Variants in PSMA1 observed in about 807,000 individuals in gnomAD.
PSMA1 encodes the protein proteasome subunit alpha type-1.
Under a neutral mutation model 38.4 loss-of-function variants are expected in PSMA1, and 3 were observed. The observed-to-expected ratio is 0.08, with a 90% CI of 0.04 to 0.20. The LOEUF (loss-of-function observed/expected upper bound fraction) is 0.20. Ranked by LOEUF, PSMA1 falls within the 10% of genes least tolerant of loss-of-function variation. The pLI is 1.00. For synonymous variants in PSMA1, 101 were observed against 107.1 expected (o/e 0.94, Z 0.35); for missense variants, 227 against 325.3 (o/e 0.70, Z 2.32).
chr11:14,627,925 C>A (rs1484903353), intron 1 of PSMA1, among the ~76,000 whole-genome samples: 1 of 152,134 alleles, frequency 6.6e-6, no homozygotes, highest in African/African-American at 2.4e-5. Flanking sequence ...ATTTGGCTAT[C>A]TTTTAGGACA....
chr11:14,572,389 CT>C (rs1335526756), intron 2 of PSMA1, among the ~76,000 whole-genome samples: 4 of 152,210 alleles, frequency 2.6e-5, no homozygotes, highest in African/African-American at 9.6e-5. Flanking sequence ...TACATGGAAA[CT>C]GAACAACCTG....
chr11:14,557,500 C>G (rs1047878987), intron 2 of PSMA1, among the ~76,000 whole-genome samples: 16 of 152,308 alleles, frequency 1.1e-4, no homozygotes, highest in Non-Finnish European at 1.3e-4. Context: ...CCTCGGCCCC[C>G]CAAAGTGCTG....
At chr11:14,566,329 A>G (rs889218574) in intron 2 of PSMA1, among the ~76,000 whole-genome samples, 2 of 152,228 alleles carry the variant, frequency 1.3e-5, no homozygotes, top group African/African-American at 4.8e-5. Flanking sequence ...GAGGGGTAGC[A>G]GTGGGAGCAA....
At chr11:14,586,539 T>C (rs1645738816) in intron 2 of PSMA1, among the ~76,000 whole-genome samples, 1 of 152,184 alleles carries the variant, frequency 6.6e-6, no homozygotes, top group African/African-American at 2.4e-5. Flanking sequence ...ACATATATGA[T>C]AGGTATTCTA....
chr11:14,629,523 CTA>C (rs1261735126), intron 1 of PSMA1, among the ~76,000 whole-genome samples: 2 of 151,654 alleles, frequency 1.3e-5, no homozygotes, highest in African/African-American at 4.8e-5. Context: ...TTCCATTGAT[CTA>C]TATCTCTGTT....
In PSMA1 at chr11:14,551,006, C is replaced by G. The variant is rs531776669; in HGVS notation, c.22-31965G>C. On this transcript the variant is annotated intron_variant, in intron 2 of 10. Coordinates refer to the PSMA1 transcript ENST00000418988. ...ATTGATATATCTAAAGTTTAGGTAT[C>G]TAAATATAGCACACAGCACAGTGCA... Among the ~76,000 whole-genome samples, 7 of 152,182 alleles carry G rather than the reference C, an allele frequency of 4.6e-5. No homozygotes were observed. In the South Asian group the frequency reaches 1.5e-3, roughly 32 times the overall value.
At chr11:14,596,439 C>T (rs1035730808) in intron 2 of PSMA1, among the ~76,000 whole-genome samples, 5 of 152,156 alleles carry the variant, frequency 3.3e-5, no homozygotes, top group Non-Finnish European at 5.9e-5. Flanking sequence ...GTTTGTAGTT[C>T]TCCTTGAAGA....
At chr11:14,603,907 C>T (rs934447695) in intron 2 of PSMA1, among the ~76,000 whole-genome samples, 10 of 152,186 alleles carry the variant, frequency 6.6e-5, no homozygotes, top group Admixed American at 5.9e-4. Flanking sequence ...GACAGGGATA[C>T]AGCTTGTGGC....
intron 1 of PSMA1, among the ~76,000 whole-genome samples, chr11:14,633,453 G>A (rs1196117576): frequency 2.0e-5 from 3 of 151,960 alleles, no homozygotes; most frequent in Admixed American, 6.6e-5. Flanking sequence ...GCTGCTCGGG[G>A]GTCAGGGGTC....
intron 9 of PSMA1, among the ~76,000 whole-genome samples, chr11:14,506,733 T>C (rs951779836): frequency 1.3e-5 from 2 of 152,186 alleles, no homozygotes; most frequent in Admixed American, 1.3e-4. Flanking sequence ...ACCAACAGAA[T>C]GTGTACAAGT....
chr11:14,586,301 G>A (rs780508577), intron 2 of PSMA1, among the ~76,000 whole-genome samples: 2 of 151,872 alleles, frequency 1.3e-5, no homozygotes, highest in African/African-American at 4.8e-5. Flanking sequence ...GCATGGTGGC[G>A]CATGTCTGTA....
At chr11:14,570,965 T>A (rs1852132344) in intron 2 of PSMA1, among the ~76,000 whole-genome samples, 1 of 152,150 alleles carries the variant, frequency 6.6e-6, no homozygotes, top group Non-Finnish European at 1.5e-5. Flanking sequence ...AAAGGTCGGG[T>A]TACCCACAAA....
chr11:14,509,727 T>C (rs1400879978), intron 8 of PSMA1, among the ~76,000 whole-genome samples: 2 of 146,702 alleles, frequency 1.4e-5, no homozygotes. Flanking sequence ...TTTTTTTTTT[T>C]TTTTTGAGAC....
chr11:14,511,002 C>G (rs957019425), intron 7 of PSMA1, 51 bp from the exon 8 acceptor site: 2 of 1,261,208 alleles, frequency 1.6e-6, no homozygotes, highest in African/African-American at 3.1e-5. Context: ...TTATGCTAGG[C>G]TTCTGTTATT....
intron 2 of PSMA1, among the ~76,000 whole-genome samples, chr11:14,544,695 AT>A (rs1292400969): frequency 6.6e-6 from 1 of 152,222 alleles, no homozygotes; most frequent in Non-Finnish European, 1.5e-5. Flanking sequence ...TGGAGAGGAT[AT>A]TGAGAAATTG....
intron 2 of PSMA1, among the ~76,000 whole-genome samples, chr11:14,606,254 C>T (rs759011450): frequency 1.3e-5 from 2 of 151,920 alleles, no homozygotes; most frequent in Non-Finnish European, 2.9e-5. Context: ...TGTACCAGTA[C>T]CATGCTGTTT....
intron 1 of PSMA1, among the ~76,000 whole-genome samples, chr11:14,620,837 C>T (rs756604943): frequency 5.6e-4 from 85 of 152,156 alleles, no homozygotes; most frequent in Non-Finnish European, 5.6e-4. Context: ...TTTCACAGCT[C>T]TCATTGTGAA....
At chr11:14,525,290 C>T (rs1310851146), upstream of PSMA1, among the ~76,000 whole-genome samples, 1 of 152,092 alleles carries the variant, frequency 6.6e-6, no homozygotes, top group Non-Finnish European at 1.5e-5. Flanking sequence ...TTATTGCCAC[C>T]TTTTGCCCCA....
intron 2 of PSMA1, among the ~76,000 whole-genome samples, chr11:14,591,353 T>C (rs10766185): frequency 0.61 from 92,825 of 152,140 alleles, 28,896 homozygotes; most frequent in African/African-American, 0.73. Context: ...CCACCCACTC[T>C]GTGGGTTCCT....
Sources: gnomAD v4.1 joint callset for allele counts (sites outside exome capture counted in the v4.1 genomes callset) on GRCh38, gnomAD v4.1.1 for gene constraint, MANE v1.5 for transcripts, NCBI Gene and HGNC (gene_info 2026-07-23, HGNC 2026-07-21) for gene names.